Variants in SF3B3 observed in about 807,000 individuals in gnomAD.
The protein encoded by SF3B3 is SAP 130.
Under a neutral mutation model 139.2 loss-of-function variants are expected in SF3B3, and 33 were observed. The observed-to-expected ratio is 0.24, with a 90% CI of 0.18 to 0.32. The LOEUF is 0.32. Among genes scored for constraint, SF3B3 ranks in the 10% least tolerant of loss-of-function variants. SF3B3 has a pLI of 1.00. For missense variants in SF3B3, 818 were observed against 1,509.4 expected (o/e 0.54, Z 7.59); for synonymous variants, 596 against 563.6 (o/e 1.06, Z -0.81).
chr16:70,559,624 C>T (rs1445420951), intron 15 of SF3B3, among the ~76,000 whole-genome samples: 1 of 151,996 alleles, frequency 6.6e-6, no homozygotes, highest in Non-Finnish European at 1.5e-5. Context: ...GAGGTGGAGG[C>T]TGCAGTGAGC....
rs2050582969 is a variant in SF3B3, at chr16:70,576,596, G to A, written c.*4783G>A. ...AGGGAAGTACTACCATTTCCTGTGG[G>A]TTATTAGGGCCTCCAGCTGTTATGA... On this transcript the variant is annotated 3_prime_UTR_variant, in exon 26 of 26. Coordinates refer to ENST00000302516, the MANE Select transcript of SF3B3 (RefSeq NM_012426.5). The A allele has an allele frequency of 6.6e-6, 1 of 152,228 alleles. No individual in the cohort carries two copies. The allele number at this position is 152,228 out of a possible 1,614,324, so 9.4% of individuals were successfully genotyped here.
chr16:70,546,283 T>C (rs946615670), intron 10 of SF3B3, among the ~76,000 whole-genome samples: 3 of 152,214 alleles, frequency 2.0e-5, no homozygotes, highest in Non-Finnish European at 1.5e-5. Flanking sequence ...GAGCCATTGC[T>C]CTTGATTCGT....
At chr16:70,531,710 G>A (rs576630640) in intron 4 of SF3B3, among the ~76,000 whole-genome samples, 4 of 152,206 alleles carry the variant, frequency 2.6e-5, no homozygotes, top group African/African-American at 7.2e-5. Context: ...ATCTCCCTAT[G>A]GAAACAAGAT....
chr16:70,540,004 G>A (rs934792976), intron 8 of SF3B3, among the ~76,000 whole-genome samples: 2 of 150,626 alleles, frequency 1.3e-5, no homozygotes, highest in Admixed American at 1.3e-4. Context: ...TCGAACTTCC[G>A]ACCTCAGGTG....
chr16:70,543,420 A>T (rs147001452), intron 9 of SF3B3, among the ~76,000 whole-genome samples: 46 of 151,450 alleles, frequency 3.0e-4, no homozygotes, highest in African/African-American at 1.1e-3. Context: ...AAAAAGAAAA[A>T]AAAAAGGCCG....
intron 15 of SF3B3, among the ~76,000 whole-genome samples, chr16:70,557,719 A>AT (rs139827739): frequency 6.6e-6 from 1 of 151,026 alleles, no homozygotes; most frequent in African/African-American, 2.4e-5. Context: ...TTTTCGGTCT[A>AT]TTTTTTTCTT....
intron 7 of SF3B3, 140 bp downstream of exon 7, chr16:70,538,600 C>T: frequency 3.0e-6 from 2 of 671,106 alleles, no homozygotes; most frequent in South Asian, 2.3e-5. Flanking sequence ...GATTTTCTCT[C>T]TGGTTATCAG....
In SF3B3 at chr16:70,556,129, T is replaced by C. The variant is rs140430573; in HGVS notation, c.1711-50T>C. On this transcript the variant is annotated intron_variant, in intron 13 of 25. Transcript: ENST00000302516. ...GGGTTTTGGGGTGAATTGGAGCATC[T>C]AGACCCATCCCTCTGTAGTTTTGAC... is the stretch of plus-strand genomic sequence containing the variant. 9.8e-5 allele frequency: 157 copies of C among 1,602,662 alleles called. 2 individuals carry two copies. The African/African-American group carries it at 1.7e-3, about 17-fold the overall frequency.
chr16:70,564,168 C>A, intron 18 of SF3B3, 118 bp downstream of exon 18: 2 of 994,750 alleles, frequency 2.0e-6, no homozygotes, highest in South Asian at 1.6e-5. Flanking sequence ...GCCACTAGTT[C>A]GAGACCAGCC....
chr16:70,551,532 G>T (rs928389685), intron 11 of SF3B3, among the ~76,000 whole-genome samples: 1 of 152,106 alleles, frequency 6.6e-6, no homozygotes, highest in Admixed American at 6.5e-5. Context: ...GAGAAACCCT[G>T]TCTCTACTAA....
intron 2 of SF3B3, among the ~76,000 whole-genome samples, chr16:70,527,256 G>A (rs1431904661): frequency 6.6e-6 from 1 of 152,226 alleles, no homozygotes; most frequent in Non-Finnish European, 1.5e-5. Flanking sequence ...TTTTTGTAAA[G>A]ATGGATTAAG....
At chr16:70,556,120 T>C (rs902004996) in intron 13 of SF3B3, 59 bp from the exon 14 acceptor site, 23 of 1,564,194 alleles carry the variant, frequency 1.5e-5, no homozygotes, top group Non-Finnish European at 1.8e-5. Context: ...TGGGGTGAAT[T>C]GGAGCATCTA....
Position 70,529,030 on chromosome 16 carries a change from C to T in SF3B3, c.228C>T (p.Asp76=). Reference sequence around the variant, plus strand: ...TTAGGCTGACAGGTGGCACCAAAGACTACATTGTAGTTGGCAGTGACTCTG... The same window carrying T: ...TTAGGCTGACAGGTGGCACCAAAGATTACATTGTAGTTGGCAGTGACTCTG... ...MAFRLTGGTK[D]YIVVGSDSGR... is the part of the protein sequence containing the mutation. The change falls in exon 3 of 26, where the codon GAC becomes GAT. Residue 76 remains aspartate (D), a synonymous_variant. Coordinates refer to ENST00000302516, the MANE Select transcript of SF3B3 (RefSeq NM_012426.5). 6.2e-7 allele frequency: 1 copy of T among 1,614,202 alleles called. No homozygotes were observed. Among genetic ancestry groups the T allele is most frequent in the South Asian group, 1.1e-5 (1 of 91,090 alleles).
intron 10 of SF3B3, among the ~76,000 whole-genome samples, chr16:70,547,166 A>G (rs999212578): frequency 1.3e-5 from 2 of 152,212 alleles, no homozygotes; most frequent in Non-Finnish European, 2.9e-5. Flanking sequence ...TATAGACTAT[A>G]GCATAGTTGA....
At chr16:70,548,628 T>G (rs1412146203) in intron 11 of SF3B3, 186 bp downstream of exon 11, 1 of 568,902 alleles carries the variant, frequency 1.8e-6, no homozygotes, top group Non-Finnish European at 3.1e-6. Flanking sequence ...TTTCTTTTTG[T>G]GCAGGTGGGA....
intron 5 of SF3B3, among the ~76,000 whole-genome samples, chr16:70,534,542 C>T (rs2050148943): frequency 6.6e-6 from 1 of 152,146 alleles, no homozygotes. Flanking sequence ...AAGGATTATA[C>T]TCAGGTGTCT....
chr16:70,544,994 A>G (rs1254235808), intron 10 of SF3B3, among the ~76,000 whole-genome samples: 1 of 152,198 alleles, frequency 6.6e-6, no homozygotes, highest in Non-Finnish European at 1.5e-5. Flanking sequence ...TATCAATGCT[A>G]TATATATTTT....
intron 4 of SF3B3, among the ~76,000 whole-genome samples, chr16:70,531,329 A>C (rs2050119548): frequency 6.6e-6 from 1 of 151,792 alleles, no homozygotes; most frequent in Non-Finnish European, 1.5e-5. Flanking sequence ...TTTTTGAGAC[A>C]GTCTTGCTCT....
intron 5 of SF3B3, among the ~76,000 whole-genome samples, chr16:70,533,444 A>G (rs2151777426): frequency 6.6e-6 from 1 of 152,358 alleles, no homozygotes; most frequent in South Asian, 2.1e-4. Context: ...CTAGGGATGG[A>G]CAGTAACAAA....
Sources: allele counts gnomAD v4.1 joint callset (sites outside exome capture counted in the v4.1 genomes callset), GRCh38; gene constraint gnomAD v4.1.1; transcripts MANE v1.5; gene names NCBI Gene and HGNC (gene_info 2026-07-23, HGNC 2026-07-21).